RUFY1: variants seen among roughly 807,000 people sequenced by gnomAD.
RUFY1 encodes RUN and FYVE domain-containing protein 1.
In RUFY1, 54 loss-of-function variants were observed where a neutral mutation model predicts 94.6. That is an observed-to-expected ratio of 0.57 (90% CI 0.46 to 0.72). The LOEUF is 0.72. Among genes scored for constraint, RUFY1 ranks in the 30% least tolerant of loss-of-function variants. The pLI, the probability that RUFY1 is intolerant of heterozygous loss-of-function variation, is 0.00. For synonymous variants in RUFY1, 396 were observed against 347.3 expected, an observed-to-expected ratio of 1.14 and a Z score of -1.56; for missense variants, 883 against 883.9, an observed-to-expected ratio of 1.00 and a Z score of 0.01.
intron 4 of RUFY1, 95 bp from the exon 5 acceptor site, chr5:179,569,207 C>T: frequency 1.9e-6 from 3 of 1,597,504 alleles, no homozygotes; most frequent in South Asian, 2.2e-5. Context: ...TCTTCTGGCT[C>T]CAGGGCACAG....
intron 7 of RUFY1, among the ~76,000 whole-genome samples, chr5:179,582,209 C>T (rs970008056): frequency 3.3e-5 from 5 of 151,906 alleles, no homozygotes; most frequent in African/African-American, 4.8e-5. Flanking sequence ...GAATAAACTC[C>T]ACTTGATCAT....
At chr5:179,601,419 T>C (rs1354681896) in intron 14 of RUFY1, among the ~76,000 whole-genome samples, 3 of 152,132 alleles carry the variant, frequency 2.0e-5, no homozygotes, top group Admixed American at 6.5e-5. Context: ...TCCACCTGTC[T>C]TGGCCTCCCA....
intron 5 of RUFY1, among the ~76,000 whole-genome samples, chr5:179,574,684 GAAAGT>G (rs1763487321): frequency 6.6e-6 from 1 of 152,136 alleles, no homozygotes; most frequent in African/African-American, 2.4e-5. Flanking sequence ...AGAGTTGTAT[GAAAGT>G]ATTCTCTTAC....
chr5:179,604,900 C>T (rs1221770963), intron 15 of RUFY1, among the ~76,000 whole-genome samples: 1 of 151,388 alleles, frequency 6.6e-6, no homozygotes, highest in Non-Finnish European at 1.5e-5. Flanking sequence ...AGGAGAATTG[C>T]TTGAGCCCAG....
At chr5:179,607,164 C>T (rs1218234716) in intron 16 of RUFY1, 1 of 232,564 alleles carries the variant, frequency 4.3e-6, no homozygotes, top group Non-Finnish European at 8.6e-6. Flanking sequence ...GTCTTAGTCT[C>T]ACTCAGATTT....
rs777309632 is a variant in RUFY1 at position 179,601,963 on chromosome 5, G to C, written c.1833G>C (p.Gln611His). ...KICEEQEQAL[Q>H]EMGLHLSQSK... is the part of the protein sequence containing the mutation. ...GCGAGGAGCAGGAACAAGCCCTCCAGGAAATGGGCCTGCACCTCAGCCAGT... is the reference window on the plus strand; with the variant it reads ...GCGAGGAGCAGGAACAAGCCCTCCACGAAATGGGCCTGCACCTCAGCCAGT... The change falls in exon 15 of 18, where the codon CAG becomes CAC. Residue 611 changes from glutamine (Q) to histidine (H), a missense_variant. By Grantham distance (24) the Gln-to-His change is conservative (BLOSUM62 0). Coordinates refer to ENST00000319449, the MANE Select transcript of RUFY1 (RefSeq NM_025158.5). The C allele has an allele frequency of 6.2e-7, 1 of 1,613,892 alleles. No homozygotes were observed. Among genetic ancestry groups the C allele is most frequent in the Non-Finnish European group, 8.5e-7 (1 of 1,179,924 alleles).
chr5:179,579,045 T>C (rs971616642), intron 6 of RUFY1, among the ~76,000 whole-genome samples: 2 of 152,212 alleles, frequency 1.3e-5, no homozygotes, highest in Non-Finnish European at 2.9e-5. Flanking sequence ...ATAGTAGTGA[T>C]TGCCTGTGGA....
In RUFY1 at chr5:179,601,867, C is replaced by A. The variant is rs577176030; in HGVS notation, c.1762-25C>A. On this transcript the variant is annotated intron_variant, in intron 14 of 17. Coordinates refer to ENST00000319449, the MANE Select transcript of RUFY1 (RefSeq NM_025158.5). ...AAGGACCGTGTAATCCTCTGTCCAG[C>A]ATCTGGTTGGTTTGTTCATTTTAGG... 148 of 1,393,336 alleles carry A rather than the reference C, an allele frequency of 1.1e-4. 2 individuals are homozygous for A. The South Asian group carries it at 1.7e-3, about 16-fold the overall frequency. 86.3% of individuals were successfully genotyped at this position (1,393,336 alleles called of 1,614,324 possible). A position where few individuals can be genotyped will look rare whatever the true frequency, so the allele number is the denominator to read the frequency against.
chr5:179,602,045 C>T (rs543523119), intron 15 of RUFY1, 59 bp downstream of exon 15: 19 of 1,378,018 alleles, frequency 1.4e-5, no homozygotes, highest in Middle Eastern at 2.3e-4. Flanking sequence ...CCACCACATC[C>T]CTCAGGCCCC....
rs538267459 is a variant in RUFY1, at chr5:179,609,409, A to G, written c.2017A>G (p.Asn673Asp). 1.2e-6 allele frequency: 2 copies of G among 1,613,436 alleles called. No homozygotes were observed. The highest frequency in any genetic ancestry group is 1.7e-5 in the Admixed American group (1 of 59,986). The stretch of plus-strand genomic sequence containing the variant: ...CCGGAACTGTGGCCACATCTTCTGC[A>G]ACACCTGCTCCAGCAACGAGCTGGC... ...HCRNCGHIFC[N>D]TCSSNELALP... Residue 673 changes from asparagine (N) to aspartate (D), a missense_variant, in exon 18 of 18, where the codon AAC (asparagine) becomes GAC (aspartate). Physicochemically the swap from Asn to Asp is conservative, Grantham distance 23. Transcript: ENST00000319449.
Position 179,609,637 on chromosome 5 carries a change from G to A in RUFY1, c.*118G>A, listed in dbSNP as rs1404449002. 13 of 1,066,432 alleles carry A rather than the reference G, an allele frequency of 1.2e-5. No homozygotes were observed. Among genetic ancestry groups the A allele is most frequent in the Middle Eastern group, 3.1e-4 (1 of 3,276 alleles). The allele number at this position is 1,066,432 out of a possible 1,614,324, so 66.1% of individuals were successfully genotyped here. On this transcript the variant is annotated 3_prime_UTR_variant, in exon 18 of 18. Coordinates refer to ENST00000319449, the MANE Select transcript of RUFY1 (RefSeq NM_025158.5). ...AAGGAAAGAATCAAATTTCTTGCCCGGTCACTGGCACTCCAGAAGACAGCG... is the reference window on the plus strand; with the variant it reads ...AAGGAAAGAATCAAATTTCTTGCCCAGTCACTGGCACTCCAGAAGACAGCG...
chr5:179,593,346 G>C lies in RUFY1; in HGVS notation c.1246-132G>C, dbSNP rs1040556163. ...GCCCACCTCAGCCTCCCAAAGTGCT[G>C]AGGATTACAGGCATGAGCCACCACA... On this transcript the variant is annotated intron_variant, in intron 10 of 17. Transcript: ENST00000319449. 2.6e-5 allele frequency: 27 copies of C among 1,045,830 alleles called. No individual in the cohort carries two copies. In the African/African-American group the frequency reaches 4.3e-4, roughly 17 times the overall value. 64.8% of individuals were successfully genotyped at this position (1,045,830 alleles called of 1,614,324 possible).
At chr5:179,553,777 G>A (rs532226681) in intron 1 of RUFY1, among the ~76,000 whole-genome samples, 3 of 152,224 alleles carry the variant, frequency 2.0e-5, no homozygotes, top group East Asian at 1.9e-4. Context: ...GCAACAGAAC[G>A]AGACTATCTC....
chr5:179,585,253 G>A (rs1031096970), intron 7 of RUFY1, among the ~76,000 whole-genome samples: 2 of 151,870 alleles, frequency 1.3e-5, no homozygotes, highest in African/African-American at 2.4e-5. Flanking sequence ...ATTTGTGTTG[G>A]GAGAAAAAAA....
rs1009319031 is a variant in RUFY1, at chr5:179,591,532, A to G, written c.1129-93A>G. 28 of 826,102 alleles carry G rather than the reference A, an allele frequency of 3.4e-5. 1 individual carries two copies. The highest frequency in any genetic ancestry group is 3.1e-4 in the South Asian group (19 of 61,436). The allele number at this position is 826,102 out of a possible 1,614,324, so 51.2% of individuals were successfully genotyped here. A position where few individuals can be genotyped will look rare whatever the true frequency, so the allele number is the denominator to read the frequency against. On this transcript the variant is annotated intron_variant, in intron 9 of 17. Transcript: ENST00000319449. ...GCTTAAAAAATAAAAATTACCTTAC[A>G]TTTTTTAAAATTGTGGTATATTTTG... is the stretch of plus-strand genomic sequence containing the variant.
chr5:179,557,754 T>C (rs1001259789), intron 1 of RUFY1, among the ~76,000 whole-genome samples: 1 of 151,962 alleles, frequency 6.6e-6, no homozygotes, highest in Non-Finnish European at 1.5e-5. Flanking sequence ...TTTAATTTTC[T>C]AAATTTAGGA....
chr5:179,590,886 T>C (rs1765026379), intron 9 of RUFY1: 1 of 151,938 alleles, frequency 6.6e-6, no homozygotes, highest in Non-Finnish European at 1.5e-5. Flanking sequence ...CAGGCTGGAA[T>C]GTAGTGGCGT....
At chr5:179,593,753 G>A in intron 11 of RUFY1, 108 bp downstream of exon 11, 1 of 1,464,788 alleles carries the variant, frequency 6.8e-7, no homozygotes. Context: ...CCCCTCGTAT[G>A]TGTCAGACCT....
At chr5:179,567,282 C>T (rs1476888634) in intron 3 of RUFY1, among the ~76,000 whole-genome samples, 179 bp from the exon 4 acceptor site, 1 of 152,162 alleles carries the variant, frequency 6.6e-6, no homozygotes, top group African/African-American at 2.4e-5. Context: ...ATGTGGTGAG[C>T]CATTTTCGCT....
Sources: gnomAD v4.1 joint callset for allele counts (sites outside exome capture counted in the v4.1 genomes callset) on GRCh38, gnomAD v4.1.1 for gene constraint, MANE v1.5 for transcripts, NCBI Gene and HGNC (gene_info 2026-07-23, HGNC 2026-07-21) for gene names.